Variants in CLIC2 observed in about 807,000 individuals in gnomAD.
CLIC2 encodes chloride intracellular channel protein 2.
In CLIC2, 9 loss-of-function variants were observed where a neutral mutation model predicts 14.8. The observed-to-expected ratio is 0.61, with a 90% confidence interval of 0.37 to 1.06. CLIC2 has a LOEUF of 1.06. Ranked by LOEUF, CLIC2 falls within the 50% of genes least tolerant of loss-of-function variation. CLIC2 has a pLI of 0.01. For synonymous variants in CLIC2, 61 were observed against 66.3 expected (o/e 0.92, Z 0.39); for missense variants, 148 against 181.4 (o/e 0.82, Z 1.06).
At chrX:155,278,848 T>G (rs2074908113) in intron 5 of CLIC2, 3 of 224,454 alleles carry the variant, frequency 1.3e-5, no homozygotes, top group Non-Finnish European at 1.6e-5. Context: ...GTGGGAGGAC[T>G]GCTTGAGCCT....
Position 155,333,729 on chromosome X carries a change from T to TAA in CLIC2, c.57+640_57+641dup, listed in dbSNP as rs5904403. 1.2e-3 allele frequency among the ~76,000 whole-genome samples: 106 copies of TAA among 86,212 alleles called. No individual in the cohort carries two copies. The South Asian group carries it at 0.013, about 11-fold the overall frequency. The allele number at this position is 86,212 out of a possible 115,157, so 74.9% of individuals were successfully genotyped here. ...GTGCTTTTCTGAAAAGTTGACATGTTAAAAAAAAAAAAAAACAACTCCATG... is the reference window on the plus strand; with the variant it reads ...GTGCTTTTCTGAAAAGTTGACATGTTAAAAAAAAAAAAAAAAACAACTCCATG... On this transcript the variant is annotated intron_variant, in intron 1 of 5. Coordinates refer to ENST00000369449, the MANE Select transcript of CLIC2 (RefSeq NM_001289.6).
At chrX:155,319,963 G>T (rs1227056842) in intron 1 of CLIC2, among the ~76,000 whole-genome samples, 3 of 112,694 alleles carry the variant, frequency 2.7e-5, no homozygotes, top group Admixed American at 1.9e-4. Context: ...AATGGGCAGA[G>T]CCCACTGCAG....
rs988807851 is a variant in CLIC2, at chrX:155,293,283, C to T, written c.293+5502G>A. 4 of 1,016,500 alleles carry T rather than the reference C, an allele frequency of 3.9e-6. No individual in the cohort carries two copies. The South Asian group carries it at 5.7e-5, about 14-fold the overall frequency. 83.8% of individuals were successfully genotyped at this position (1,016,500 alleles called of 1,213,427 possible). ...CTCCCAAACGTTCTGTACTGTCCAA[C>T]TCAGTTCCTGGGTACAAGCCCAAAG... is the stretch of plus-strand genomic sequence containing the variant. On this transcript the variant is annotated intron_variant, in intron 3 of 5. Coordinates refer to ENST00000369449, the MANE Select transcript of CLIC2 (RefSeq NM_001289.6).
At position 155,334,453 on chromosome X, in the gene CLIC2, C is replaced by T. The variant is rs782355163; in HGVS notation, c.-26G>A. On this transcript the variant is annotated 5_prime_UTR_variant, in exon 1 of 6. Coordinates refer to ENST00000369449, the MANE Select transcript of CLIC2 (RefSeq NM_001289.6). Reference sequence around the variant, plus strand: ...CTTTGTCTTTACTGCCAGTTGTCAGCCTCCTGCCTCCTGTAGAGTCCACAA... The same window carrying T: ...CTTTGTCTTTACTGCCAGTTGTCAGTCTCCTGCCTCCTGTAGAGTCCACAA... The T allele has an allele frequency of 8.7e-7, 1 of 1,150,331 alleles. No individual in the cohort carries two copies. The highest frequency in any genetic ancestry group is 1.8e-5 in the South Asian group (1 of 55,552). The allele number at this position is 1,150,331 out of a possible 1,213,427, so 94.8% of individuals were successfully genotyped here. A position where few individuals can be genotyped will look rare whatever the true frequency, so the allele number is the denominator to read the frequency against.
intron 1 of CLIC2, among the ~76,000 whole-genome samples, chrX:155,313,764 G>A (rs1557320855): frequency 8.9e-6 from 1 of 111,925 alleles, no homozygotes; most frequent in Admixed American, 9.5e-5. Flanking sequence ...TTGCTTTTTA[G>A]CTGGGAGGCT....
chrX:155,295,000 C>CG (rs2074987476), intron 3 of CLIC2, among the ~76,000 whole-genome samples: 1 of 111,724 alleles, frequency 9.0e-6, no homozygotes, highest in Non-Finnish European at 1.9e-5. Flanking sequence ...GGAGAGAACT[C>CG]TCCTTAACTC....
chrX:155,295,445 C>T (rs2074988780), intron 3 of CLIC2, among the ~76,000 whole-genome samples: 1 of 57,232 alleles, frequency 1.7e-5, no homozygotes, highest in Non-Finnish European at 4.5e-5. Context: ...GCCTTTCCTC[C>T]AAGAAATGGA....
intron 3 of CLIC2, among the ~76,000 whole-genome samples, chrX:155,284,078 T>C (rs2074930914): frequency 9.0e-6 from 1 of 111,261 alleles, no homozygotes; most frequent in Admixed American, 9.6e-5. Flanking sequence ...TTTCTGCTTG[T>C]GCAGTGCCTG....
chrX:155,282,750 G>C (rs1201094751), intron 3 of CLIC2, among the ~76,000 whole-genome samples: 1 of 111,336 alleles, frequency 9.0e-6, no homozygotes, highest in Non-Finnish European at 1.9e-5. Flanking sequence ...TTGGACCCCA[G>C]TTTAAGGCCA....
intron 1 of CLIC2, among the ~76,000 whole-genome samples, chrX:155,316,422 G>C (rs1443279299): frequency 9.0e-6 from 1 of 111,192 alleles, no homozygotes; most frequent in Non-Finnish European, 1.9e-5. Flanking sequence ...TATTCTCTCA[G>C]AACACAGTGG....
At chrX:155,292,759 G>C (rs1602936080) in intron 3 of CLIC2, 1 of 432,614 alleles carries the variant, frequency 2.3e-6, no homozygotes, top group Non-Finnish European at 3.9e-6. Context: ...GACAGAGCGA[G>C]ACTCCGTCTC....
chrX:155,299,043 T>C lies in CLIC2; in HGVS notation c.160A>G (p.Met54Val). 2 of 1,201,943 alleles carry C rather than the reference T, an allele frequency of 1.7e-6. No homozygotes were observed. The highest frequency in any genetic ancestry group is 1.8e-5 in the South Asian group (1 of 56,780). ...GVKFNVTTVD[M>V]TRKPEELKDL... ...TGTCCTGATTTCTCTTACCTGGTCA[T>C]GTCAACAGTTGTCACATTAAATTTA... is the stretch of plus-strand genomic sequence containing the variant. Residue 54 changes from methionine (M) to valine (V), a missense_variant, in exon 2 of 6, where the codon ATG becomes GTG. Met to Val is a conservative substitution (Grantham distance 21). Coordinates refer to ENST00000369449, the MANE Select transcript of CLIC2 (RefSeq NM_001289.6).
chrX:155,284,550 C>T (rs1398438757), intron 3 of CLIC2, among the ~76,000 whole-genome samples: 6 of 111,711 alleles, frequency 5.4e-5, no homozygotes, highest in South Asian at 3.7e-4. Context: ...TGAGCCACCG[C>T]GCCTGGCCCT....
At chrX:155,287,418 C>T (rs1050706433) in intron 3 of CLIC2, among the ~76,000 whole-genome samples, 6 of 111,502 alleles carry the variant, frequency 5.4e-5, no homozygotes, top group Middle Eastern at 4.6e-3. Flanking sequence ...ACTGCAACCT[C>T]CATCTCTCAG....
intron 4 of CLIC2, 74 bp downstream of exon 4, chrX:155,279,888 G>A (rs782568124): frequency 1.4e-6 from 1 of 722,248 alleles, no homozygotes; most frequent in Non-Finnish European, 2.2e-6. Flanking sequence ...TATATATTCA[G>A]GAAAATTCTA....
At chrX:155,279,746 T>C (rs2074911782) in intron 4 of CLIC2, among the ~76,000 whole-genome samples, 1 of 111,841 alleles carries the variant, frequency 8.9e-6, no homozygotes, top group South Asian at 3.7e-4. Flanking sequence ...TATGTCAATA[T>C]TCTAATTGAG....
At chrX:155,279,477 G>T in intron 4 of CLIC2, 147 bp from the exon 5 acceptor site, 1 of 471,282 alleles carries the variant, frequency 2.1e-6, no homozygotes, top group Non-Finnish European at 3.6e-6. Context: ...TATTTAGAAT[G>T]CTCAGCTACT....
intron 1 of CLIC2, among the ~76,000 whole-genome samples, chrX:155,300,389 CTG>C (rs1445842809): frequency 9.0e-6 from 1 of 110,950 alleles, no homozygotes; most frequent in Non-Finnish European, 1.9e-5. Flanking sequence ...TGAGAAGTGT[CTG>C]TTCATGTCCT....
At chrX:155,316,790 G>A (rs1445031581) in intron 1 of CLIC2, among the ~76,000 whole-genome samples, 1 of 111,193 alleles carries the variant, frequency 9.0e-6, no homozygotes, top group African/African-American at 3.3e-5. Context: ...GGAGTCCAAT[G>A]TTTGAGGGTA....
Sources: allele counts gnomAD v4.1 joint callset (sites outside exome capture counted in the v4.1 genomes callset), GRCh38; gene constraint gnomAD v4.1.1; transcripts MANE v1.5; gene names NCBI Gene and HGNC (gene_info 2026-07-23, HGNC 2026-07-21).